VPS13C: variants seen among roughly 807,000 people sequenced by gnomAD.
The protein encoded by VPS13C is vacuolar protein sorting 13 homolog C, also known as intermembrane lipid transfer protein VPS13C.
A neutral mutation model predicts 456.8 loss-of-function variants in VPS13C; 358 were observed. That is an observed-to-expected ratio of 0.78 (90% CI 0.72 to 0.86). The LOEUF (loss-of-function observed/expected upper bound fraction) is 0.86. Ranked by LOEUF, VPS13C falls within the 40% of genes least tolerant of loss-of-function variation. VPS13C has a pLI of 0.00. For missense variants in VPS13C, 4,818 were observed against 4,385.4 expected, an observed-to-expected ratio of 1.10 and a Z score of -2.79; for synonymous variants, 1,578 against 1,486.7, an observed-to-expected ratio of 1.06 and a Z score of -1.41.
chr15:62,016,821 G>A (rs2047269435), intron 9 of VPS13C, among the ~76,000 whole-genome samples: 1 of 152,078 alleles, frequency 6.6e-6, no homozygotes, highest in Non-Finnish European at 1.5e-5. Context: ...GGTATTTCTA[G>A]TTCTAGATCC....
chr15:61,875,190 C>G (rs1895325946), intron 76 of VPS13C, among the ~76,000 whole-genome samples: 1 of 152,058 alleles, frequency 6.6e-6, no homozygotes, highest in South Asian at 2.1e-4. Flanking sequence ...GTATAAATCA[C>G]TGGCTTCAAT....
intron 79 of VPS13C, among the ~76,000 whole-genome samples, chr15:61,871,597 G>C (rs1596275081): frequency 6.6e-6 from 1 of 151,910 alleles, no homozygotes; most frequent in South Asian, 2.1e-4. Flanking sequence ...GGGATCCCTG[G>C]AATGGCCATA....
Position 61,880,925 on chromosome 15 carries a change from G to T in VPS13C, c.9806C>A (p.Ala3269Asp). 2.5e-6 allele frequency: 4 copies of T among 1,608,992 alleles called. No individual in the cohort carries two copies. Among genetic ancestry groups the T allele is most frequent in the Non-Finnish European group, 2.5e-6 (3 of 1,177,868 alleles). ...KYFMVLIQEM[A>D]LKIDQGFLGA... ...TAGAAACCCTTGATCAATTTTTAAG[G>T]CCATTTCCTGAATGAGGACCATAAA... The change falls in exon 72 of 85, where the codon GCC becomes GAC. Residue 3269 changes from alanine to aspartate, a missense_variant. By Grantham distance (126) the Ala-to-Asp change is moderately radical (BLOSUM62 -2). Around this residue, in one of 3 missense-constraint regions of VPS13C, gnomAD observed 4,552 missense variants for 4,130.6 expected, o/e 1.10. Coordinates refer to ENST00000644861, the MANE Select transcript of VPS13C (RefSeq NM_020821.3).
intron 67 of VPS13C, among the ~76,000 whole-genome samples, chr15:61,888,147 T>C (rs531988246): frequency 1.4e-3 from 210 of 152,286 alleles, no homozygotes; most frequent in African/African-American, 4.7e-3. Flanking sequence ...AATGACACAC[T>C]ACTATATCCT....
intron 21 of VPS13C, 56 bp from the exon 22 acceptor site, chr15:61,981,534 TATTATTA>T: frequency 2.0e-6 from 3 of 1,493,768 alleles, no homozygotes; most frequent in South Asian, 1.3e-5. Flanking sequence ...TATGTAATCA[TATTATTA>T]ACAACTAGAA....
At chr15:62,052,672 C>CAAAAAA (rs35444089) in intron 1 of VPS13C, among the ~76,000 whole-genome samples, 2 of 70,520 alleles carry the variant, frequency 2.8e-5, no homozygotes, top group African/African-American at 5.9e-5. Context: ...GACTCCGTCT[C>CAAAAAA]AAAAAAAAAA....
intron 67 of VPS13C, among the ~76,000 whole-genome samples, chr15:61,889,304 C>T (rs966637718): frequency 1.3e-5 from 2 of 151,910 alleles, no homozygotes; most frequent in Non-Finnish European, 2.9e-5. Flanking sequence ...ACAAAGAATG[C>T]ATTGTCTATC....
chr15:61,965,108 T>C (rs2045337727), intron 30 of VPS13C, among the ~76,000 whole-genome samples: 1 of 151,944 alleles, frequency 6.6e-6, no homozygotes, highest in Non-Finnish European at 1.5e-5. Flanking sequence ...CAAAGCATAA[T>C]GGTTATGAAG....
intron 82 of VPS13C, among the ~76,000 whole-genome samples, chr15:61,860,906 T>C (rs1163502333): frequency 6.6e-6 from 1 of 151,226 alleles, no homozygotes; most frequent in Non-Finnish European, 1.5e-5. Context: ...GCAAATCTAC[T>C]ATGTCCTAGG....
Position 61,919,282 on chromosome 15 carries a change from G to T in VPS13C, c.7638+7C>A. ...TGAAAGGGATACAATTAACTTTGAAGTATTACCTGTAGAGGAGAGCGAAGG... is the reference window on the plus strand; with the variant it reads ...TGAAAGGGATACAATTAACTTTGAATTATTACCTGTAGAGGAGAGCGAAGG... On this transcript the variant is annotated splice_region_variant and intron_variant, in intron 58 of 84. Coordinates refer to ENST00000644861, the MANE Select transcript of VPS13C (RefSeq NM_020821.3). The T allele has an allele frequency of 1.3e-6, 2 of 1,582,400 alleles. No individual in the cohort carries two copies. Among genetic ancestry groups the T allele is most frequent in the African/African-American group, 1.4e-5 (1 of 72,878 alleles).
intron 81 of VPS13C, chr15:61,865,528 T>A (rs1894481289): frequency 1.1e-6 from 1 of 877,586 alleles, no homozygotes; most frequent in South Asian, 5.3e-5. Flanking sequence ...TACATACATA[T>A]AATGTATGTA....
intron 1 of VPS13C, among the ~76,000 whole-genome samples, chr15:62,054,022 C>T (rs573723136): frequency 1.4e-4 from 22 of 152,310 alleles, no homozygotes; most frequent in African/African-American, 5.1e-4. Context: ...GGAGGATTTT[C>T]CTGCTGACTC....
chr15:61,867,170 T>C lies in VPS13C; in HGVS notation c.10863+1489A>G. 1 of 984,176 alleles carries C rather than the reference T, an allele frequency of 1.0e-6. No individual in the cohort carries two copies. Among genetic ancestry groups the C allele is most frequent in the Non-Finnish European group, 1.2e-6 (1 of 828,774 alleles). The allele number at this position is 984,176 out of a possible 1,614,324, so 61.0% of individuals were successfully genotyped here. A position where few individuals can be genotyped will look rare whatever the true frequency, so the allele number is the denominator to read the frequency against. ...CCACACAGCAATTTGCCTAATTACA[T>C]GTTCAACTTCTATCTACATTAATTA... is the stretch of plus-strand genomic sequence containing the variant. On this transcript the variant is annotated intron_variant, in intron 81 of 84. Transcript: ENST00000644861. This position sits in a 1 kb window ranked among gnomAD's most constrained non-coding sequence, Gnocchi z 5.0.
chr15:61,951,340 A>G (rs2044784825), intron 39 of VPS13C, among the ~76,000 whole-genome samples: 2 of 152,134 alleles, frequency 1.3e-5, no homozygotes, highest in African/African-American at 2.4e-5. Context: ...ATTATTCTCA[A>G]TACAAGTTTA....
At chr15:62,032,341 T>C (rs1201610858) in intron 5 of VPS13C, among the ~76,000 whole-genome samples, 1 of 151,740 alleles carries the variant, frequency 6.6e-6, no homozygotes, top group Non-Finnish European at 1.5e-5. Flanking sequence ...AGAAAACTGT[T>C]TCCCTAGAAA....
At chr15:61,977,270 T>A in intron 23 of VPS13C, 71 bp from the exon 24 acceptor site, 1 of 898,154 alleles carries the variant, frequency 1.1e-6, no homozygotes, top group Non-Finnish European at 1.6e-6. Context: ...AAATATTATT[T>A]TTAATGAATA....
intron 6 of VPS13C, 63 bp from the exon 7 acceptor site, chr15:62,023,908 G>C (rs894291995): frequency 1.4e-6 from 2 of 1,450,872 alleles, no homozygotes; most frequent in Non-Finnish European, 9.4e-7. Context: ...CTACAGGACA[G>C]AAAAGAAAAC....
chr15:61,940,535 G>C (rs778221442), intron 47 of VPS13C, 112 bp downstream of exon 47: 310 of 1,077,648 alleles, frequency 2.9e-4, no homozygotes, highest in Non-Finnish European at 3.8e-4. Context: ...AACTGGTTTA[G>C]CTTTATCAAT....
At chr15:61,861,495 G>C (rs191839347) in intron 82 of VPS13C, among the ~76,000 whole-genome samples, 112 of 152,176 alleles carry the variant, frequency 7.4e-4, no homozygotes, top group Admixed American at 1.6e-3. Flanking sequence ...AAGAAAGTTT[G>C]TTGACTCCTG....
Sources: gnomAD v4.1 joint callset for allele counts (sites outside exome capture counted in the v4.1 genomes callset) on GRCh38, gnomAD v4.1.1 for gene constraint, gnomAD v4.1.1 regional missense constraint, Gnocchi (gnomAD v3.1) non-coding constraint, MANE v1.5 for transcripts, NCBI Gene and HGNC (gene_info 2026-07-23, HGNC 2026-07-21) for gene names.